The following PLEKHG1 variants were observed in gnomAD, a reference collection of about 807,000 sequenced individuals.
PLEKHG1 encodes the protein pleckstrin homology and RhoGEF domain containing G1, also known as pleckstrin homology domain-containing family G member 1.
A neutral mutation model predicts 100.8 loss-of-function variants in PLEKHG1; 44 were observed. That is an observed-to-expected ratio of 0.44 (90% CI 0.34 to 0.56). The LOEUF (loss-of-function observed/expected upper bound fraction) is 0.56. Among genes scored for constraint, PLEKHG1 ranks in the 20% least tolerant of loss-of-function variants. The pLI, the probability that PLEKHG1 is intolerant of heterozygous loss-of-function variation, is 0.01. For synonymous variants in PLEKHG1, 640 were observed against 662.5 expected (o/e 0.97, Z 0.52); for missense variants, 1,545 against 1,720.9 (o/e 0.90, Z 1.81).
At chr6:150,602,264 G>T (rs886675767) in intron 1 of PLEKHG1, among the ~76,000 whole-genome samples, 1 of 152,130 alleles carries the variant, frequency 6.6e-6, no homozygotes, top group Non-Finnish European at 1.5e-5. Context: ...CATTGCTGGT[G>T]GTTGGTCTTT....
At chr6:150,623,567 T>A (rs1296836777) in intron 1 of PLEKHG1, among the ~76,000 whole-genome samples, 1 of 152,220 alleles carries the variant, frequency 6.6e-6, no homozygotes, top group Non-Finnish European at 1.5e-5. Flanking sequence ...TAGAAATTAG[T>A]TCTCTTCCCT....
intron 3 of PLEKHG1, among the ~76,000 whole-genome samples, chr6:150,705,637 G>A: frequency 6.6e-6 from 1 of 152,228 alleles, no homozygotes; most frequent in Non-Finnish European, 1.5e-5. Context: ...TTCCCTGGGG[G>A]AAGCTTTTAG....
chr6:150,804,305 C>A (rs1786909790), intron 6 of PLEKHG1, among the ~76,000 whole-genome samples: 1 of 147,792 alleles, frequency 6.8e-6, no homozygotes, highest in Non-Finnish European at 1.5e-5. Flanking sequence ...CCTGCCTCAG[C>A]CTCCTAAGTA....
chr6:150,807,029 G>T (rs1373173228), intron 7 of PLEKHG1, among the ~76,000 whole-genome samples: 1 of 152,026 alleles, frequency 6.6e-6, no homozygotes, highest in Admixed American at 6.6e-5. Context: ...AGCTGGCTTG[G>T]TTATCAGATC....
intron 3 of PLEKHG1, among the ~76,000 whole-genome samples, chr6:150,692,086 T>C (rs1226136678): frequency 1.3e-5 from 2 of 152,216 alleles, no homozygotes; most frequent in Admixed American, 1.3e-4. Flanking sequence ...ACTTTTTATA[T>C]GGGGTGAGGA....
At chr6:150,793,287 A>G (rs1033902185) in intron 4 of PLEKHG1, among the ~76,000 whole-genome samples, 1 of 152,122 alleles carries the variant, frequency 6.6e-6, no homozygotes, top group African/African-American at 2.4e-5. Flanking sequence ...CTGTGGTCCC[A>G]GCTACTCTGG....
At chr6:150,828,386 G>GCTA in intron 14 of PLEKHG1, 1 of 1,604,300 alleles carries the variant, frequency 6.2e-7, no homozygotes, top group Non-Finnish European at 8.5e-7. Flanking sequence ...GGTGACTGAG[G>GCTA]CTACAGCTGC....
chr6:150,828,365 G>A (rs770817079), intron 14 of PLEKHG1: 19 of 1,609,874 alleles, frequency 1.2e-5, no homozygotes, highest in Non-Finnish European at 1.5e-5. Context: ...AAGAGGGACA[G>A]CGATTCCAAG....
intron 5 of PLEKHG1, among the ~76,000 whole-genome samples, chr6:150,797,765 G>A (rs1386699821): frequency 7.3e-6 from 1 of 137,064 alleles, no homozygotes; most frequent in Non-Finnish European, 1.5e-5. Flanking sequence ...AACCCAGGAG[G>A]CGGAGGTTGC....
intron 3 of PLEKHG1, among the ~76,000 whole-genome samples, chr6:150,677,173 T>C (rs774256342): frequency 3.3e-5 from 5 of 152,216 alleles, no homozygotes; most frequent in Admixed American, 2.6e-4. Context: ...TGATTGATTA[T>C]GGTACTCCTC....
chr6:150,795,382 C>T (rs955328941), intron 4 of PLEKHG1, among the ~76,000 whole-genome samples: 4 of 141,584 alleles, frequency 2.8e-5, no homozygotes, highest in African/African-American at 8.2e-5. Context: ...GGCGACAGAG[C>T]GAGATTCCAT....
At chr6:150,824,140 T>A (rs2128681722) in intron 14 of PLEKHG1, among the ~76,000 whole-genome samples, 1 of 152,366 alleles carries the variant, frequency 6.6e-6, no homozygotes, top group Middle Eastern at 3.4e-3. Flanking sequence ...TAAGAGGTGA[T>A]GGCGTATGAT....
intron 14 of PLEKHG1, among the ~76,000 whole-genome samples, chr6:150,825,886 T>C (rs1776569338): frequency 6.6e-6 from 1 of 152,170 alleles, no homozygotes; most frequent in South Asian, 2.1e-4. Context: ...CTATAAATGA[T>C]AGCTAATATC....
At chr6:150,817,746 C>CG (rs1562547884) in intron 10 of PLEKHG1, among the ~76,000 whole-genome samples, 4 of 151,796 alleles carry the variant, frequency 2.6e-5, no homozygotes. Context: ...TTAGTAGAGA[C>CG]GGGGTTTCAC....
chr6:150,758,466 G>T lies in PLEKHG1; in HGVS notation c.412-10172G>T, dbSNP rs548452821. ...TTCTCCTGCCTCAGCCTCCCGAGTA[G>T]CTGGAATTACAGGCACACACCACCA... is the stretch of plus-strand genomic sequence containing the variant. On this transcript the variant is annotated intron_variant, in intron 2 of 15. Coordinates refer to ENST00000358517, the Ensembl canonical transcript of PLEKHG1. Among the ~76,000 whole-genome samples the T allele has an allele frequency of 5.3e-5, 8 of 152,190 alleles. 1 individual carries two copies. In the South Asian group the frequency reaches 1.7e-3, roughly 32 times the overall value.
chr6:150,790,629 CT>C (rs907857549), intron 4 of PLEKHG1, among the ~76,000 whole-genome samples: 42 of 152,242 alleles, frequency 2.8e-4, no homozygotes, highest in African/African-American at 8.2e-4. Flanking sequence ...ATGTTTGTTA[CT>C]GCAAAAGACT....
exon 2 of PLEKHG1, chr6:150,733,825 G>T (rs1416926552): frequency 1.9e-6 from 3 of 1,614,214 alleles, no homozygotes; most frequent in Non-Finnish European, 2.5e-6. Context: ...AGGATAAGGA[G>T]GTAGGGGCCA....
At chr6:150,820,073 G>C (rs1183844072) in intron 12 of PLEKHG1, among the ~76,000 whole-genome samples, 1 of 152,146 alleles carries the variant, frequency 6.6e-6, no homozygotes, top group Non-Finnish European at 1.5e-5. Context: ...GCCAGGCGTG[G>C]TGGTGTGCGC....
intron 3 of PLEKHG1, among the ~76,000 whole-genome samples, chr6:150,667,224 A>G (rs955112795): frequency 1.3e-5 from 2 of 152,180 alleles, no homozygotes; most frequent in Admixed American, 6.5e-5. Context: ...CTAACTACTA[A>G]TATTTCAAGT....
Sources: gnomAD v4.1 joint callset for allele counts (sites outside exome capture counted in the v4.1 genomes callset) on GRCh38, gnomAD v4.1.1 for gene constraint, MANE v1.5 for transcripts, NCBI Gene and HGNC (gene_info 2026-07-23, HGNC 2026-07-21) for gene names.